The following SYNM variants were observed in gnomAD, a reference collection of about 807,000 sequenced individuals.
SYNM encodes the protein synemin, also known as desmuslin.
Under a neutral mutation model 104.0 loss-of-function variants are expected in SYNM, and 95 were observed. The observed-to-expected ratio is 0.91, with a 90% CI of 0.77 to 1.08. SYNM has a LOEUF of 1.08. Among genes scored for constraint, SYNM ranks in the 50% least tolerant of loss-of-function variants. The pLI is 0.00. For synonymous variants in SYNM, 918 were observed against 869.0 expected (o/e 1.06, Z -0.99); for missense variants, 2,150 against 2,052.2 (o/e 1.05, Z -0.92).
intron 2 of SYNM, among the ~76,000 whole-genome samples, chr15:99,122,929 T>C (rs12441651): frequency 0.72 from 109,931 of 152,132 alleles, 39,767 homozygotes; most frequent in Middle Eastern, 0.79. Flanking sequence ...TTCAGTTAAC[T>C]ATAAAATACA....
At chr15:99,126,905 A>C in intron 3 of SYNM, 113 bp downstream of exon 3, 1 of 874,102 alleles carries the variant, frequency 1.1e-6, no homozygotes, top group Non-Finnish European at 1.7e-6. Flanking sequence ...GTGTTTAGAT[A>C]ACAGGAGTTC....
chr15:99,133,051 G>A lies in SYNM; in HGVS notation c.4691G>A (p.Trp1564Ter). The change falls in exon 4 of 4, where the codon TGG (tryptophan) becomes TAG (stop). Residue 1564 changes from tryptophan (W) to a stop codon, truncating the protein, a stop_gained. Coordinates refer to ENST00000336292, the MANE Select transcript of SYNM (RefSeq NM_145728.3). LOFTEE classifies it high-confidence loss of function. The part of the protein sequence containing the change: ...DNEEEENDGH[W>*]F ...GAGGAGGAGGAGAATGATGGGCATT[G>A]GTTTTAATAAGCAGAAACATTTTGT... 1.9e-6 allele frequency: 3 copies of A among 1,613,234 alleles called. No individual in the cohort carries two copies. The highest frequency in any genetic ancestry group is 2.5e-6 in the Non-Finnish European group (3 of 1,179,868).
Position 99,112,142 on chromosome 15 carries a change from G to A in SYNM, c.811-1449G>A, listed in dbSNP as rs925770275. Reference sequence around the variant, plus strand: ...CAGACATATTTATTATGGACCCTCAGCATCTTGCCGGGTGCCTTTGGTGAA... The same window carrying A: ...CAGACATATTTATTATGGACCCTCAACATCTTGCCGGGTGCCTTTGGTGAA... On this transcript the variant is annotated intron_variant, in intron 1 of 3. Coordinates refer to ENST00000336292, the MANE Select transcript of SYNM (RefSeq NM_145728.3). Among the ~76,000 whole-genome samples the A allele has an allele frequency of 2.0e-5, 3 of 152,208 alleles. No homozygotes were observed. In the East Asian group the frequency reaches 5.8e-4, roughly 29 times the overall value.
chr15:99,125,316 T>C (rs1555484902), intron 2 of SYNM, among the ~76,000 whole-genome samples: 2 of 152,252 alleles, frequency 1.3e-5, no homozygotes, highest in African/African-American at 4.8e-5. Context: ...CCTCAGAACT[T>C]TCTCAGCAGT....
At chr15:99,126,674 T>C in intron 2 of SYNM, 48 bp from the exon 3 acceptor site, 1 of 1,522,322 alleles carries the variant, frequency 6.6e-7, no homozygotes. Flanking sequence ...GAGGCACTTC[T>C]TACTCTTTCG....
At chr15:99,116,564 CT>C (rs2067351539) in intron 2 of SYNM, among the ~76,000 whole-genome samples, 1 of 143,938 alleles carries the variant, frequency 6.9e-6, no homozygotes, top group African/African-American at 2.5e-5. Context: ...CTGGCATCTG[CT>C]CCTGGTGAAG....
chr15:99,105,891 C>G lies in SYNM; in HGVS notation c.692C>G (p.Ala231Gly), dbSNP rs531355545. Residue 231 changes from alanine (A) to glycine (G), a missense_variant, in exon 1 of 4, where the codon GCG becomes GGG. Transcript: ENST00000336292. ...LQAEEETRLCAQEAEALRREA... is the reference protein window; with the variant it reads ...LQAEEETRLCGQEAEALRREA... ...GCGGAGGAAGAGACGCGGCTGTGCG[C>G]GCAGGAGGCAGAGGCGCTGCGGCGC... The G allele has an allele frequency of 6.5e-7, 1 of 1,537,438 alleles. No homozygotes were observed.
In SYNM at chr15:99,129,854, GA is replaced by G; in HGVS notation, c.1498del (p.Thr500GlnfsTer3). On this transcript the variant is annotated frameshift_variant, in exon 4 of 4. Coordinates refer to ENST00000336292, the MANE Select transcript of SYNM (RefSeq NM_145728.3). LOFTEE classifies it low-confidence loss of function (END_TRUNC). ...ATGAGAGGACCGTCATTCTGGGAAAGAAAACAGAAGTGAAAGCCACGAGGGA... is the reference window on the plus strand; with the variant it reads ...ATGAGAGGACCGTCATTCTGGGAAAGAAACAGAAGTGAAAGCCACGAGGGA... ...SNERTVILGK[K>X]TEVKATREQE... The G allele has an allele frequency of 6.2e-7, 1 of 1,613,634 alleles. No individual in the cohort carries two copies. The highest frequency in any genetic ancestry group is 8.5e-7 in the Non-Finnish European group (1 of 1,179,768).
intron 2 of SYNM, among the ~76,000 whole-genome samples, chr15:99,114,990 C>A (rs1555483767): frequency 6.6e-6 from 1 of 152,182 alleles, no homozygotes; most frequent in African/African-American, 2.4e-5. Context: ...GTGCTGAGTT[C>A]TTTGCCACTA....
In SYNM at chr15:99,105,701, G is replaced by C; in HGVS notation, c.502G>C (p.Ala168Pro). The change falls in exon 1 of 4, where the codon GCC becomes CCC. Residue 168 changes from alanine (A) to proline (P), a missense_variant. By Grantham distance (27) the Ala-to-Pro change is conservative. Transcript: ENST00000336292. ...RAASLTMHFR[A>P]RATGPAAPPP... ...CGCCAGCCTTACCATGCATTTCCGCGCCCGCGCCACCGGCCCCGCCGCGCC... is the reference window on the plus strand; with the variant it reads ...CGCCAGCCTTACCATGCATTTCCGCCCCCGCGCCACCGGCCCCGCCGCGCC... The C allele has an allele frequency of 6.7e-7, 1 of 1,487,552 alleles. No individual in the cohort carries two copies. Among genetic ancestry groups the C allele is most frequent in the Admixed American group, 2.3e-5 (1 of 43,968 alleles). The allele number at this position is 1,487,552 out of a possible 1,614,324, so 92.1% of individuals were successfully genotyped here. A position where few individuals can be genotyped will look rare whatever the true frequency, so the allele number is the denominator to read the frequency against.
At position 99,131,136 on chromosome 15, in the gene SYNM, GAAATT is replaced by G; in HGVS notation, c.2780_2784del (p.Ile927AsnfsTer74). 1 of 1,599,952 alleles carries G rather than the reference GAAATT, an allele frequency of 6.3e-7. No homozygotes were observed. Among genetic ancestry groups the G allele is most frequent in the Non-Finnish European group, 8.5e-7 (1 of 1,173,100 alleles). On this transcript the variant is annotated frameshift_variant, in exon 4 of 4. Transcript: ENST00000336292. LOFTEE classifies it high-confidence loss of function. The surrounding 1 kb of genome is among the most constrained non-coding windows in gnomAD (Gnocchi z 4.3). ...TGCCGAACCCACAGTCATTGAAAAA[GAAATT>G]AAAATACCCCACGAATTCCACACCT...
At position 99,133,154 on chromosome 15, in the gene SYNM, A is replaced by C; in HGVS notation, c.*96A>C. On this transcript the variant is annotated 3_prime_UTR_variant, in exon 4 of 4. Coordinates refer to ENST00000336292, the MANE Select transcript of SYNM (RefSeq NM_145728.3). Reference sequence around the variant, plus strand: ...TTAAGAGGCCGAGGGAGTCTATGAAAATCTCCCCTTTTTTACTTTTTTAAA... The same window carrying C: ...TTAAGAGGCCGAGGGAGTCTATGAACATCTCCCCTTTTTTACTTTTTTAAA... The C allele has an allele frequency of 6.5e-6, 10 of 1,528,622 alleles. No homozygotes were observed. Among genetic ancestry groups the C allele is most frequent in the Non-Finnish European group, 8.7e-6 (10 of 1,147,138 alleles). 94.7% of individuals were successfully genotyped at this position (1,528,622 alleles called of 1,614,324 possible).
chr15:99,129,839 C>A lies in SYNM; in HGVS notation c.1479C>A (p.Thr493=), dbSNP rs369978337. 5.0e-6 allele frequency: 8 copies of A among 1,613,396 alleles called. No homozygotes were observed. The highest frequency in any genetic ancestry group is 6.8e-6 in the Non-Finnish European group (8 of 1,179,810). ...AAAGCACACGGTCAAATGAGAGGACCGTCATTCTGGGAAAGAAAACAGAAG... is the reference window on the plus strand; with the variant it reads ...AAAGCACACGGTCAAATGAGAGGACAGTCATTCTGGGAAAGAAAACAGAAG... ...ASESTRSNER[T]VILGKKTEVK... Residue 493 remains threonine (T), a synonymous_variant, in exon 4 of 4, where the codon ACC becomes ACA. Transcript: ENST00000336292.
intron 2 of SYNM, among the ~76,000 whole-genome samples, chr15:99,117,683 C>G (rs1018298169): frequency 1.3e-5 from 2 of 152,012 alleles, no homozygotes; most frequent in East Asian, 3.9e-4. Flanking sequence ...TGTTCTCCAT[C>G]CTGAAAAGCC....
intron 2 of SYNM, among the ~76,000 whole-genome samples, chr15:99,115,469 A>AT (rs60387897): frequency 0.42 from 54,045 of 129,814 alleles, 12,011 homozygotes; most frequent in Middle Eastern, 0.54. Flanking sequence ...ATTTTATTCT[A>AT]TTTTTTTTTT....
At chr15:99,126,923 A>T (rs1298171785) in intron 3 of SYNM, 131 bp downstream of exon 3, 1 of 719,148 alleles carries the variant, frequency 1.4e-6, no homozygotes, top group Non-Finnish European at 2.2e-6. Flanking sequence ...TTCATCTCTC[A>T]TTTAAGTACC....
Position 99,105,136 on chromosome 15 carries a change from G to C in SYNM, c.-64G>C. The C allele has an allele frequency of 6.6e-7, 1 of 1,520,020 alleles. No homozygotes were observed. Among genetic ancestry groups the C allele is most frequent in the South Asian group, 1.2e-5 (1 of 82,778 alleles). The allele number at this position is 1,520,020 out of a possible 1,614,324, so 94.2% of individuals were successfully genotyped here. On this transcript the variant is annotated 5_prime_UTR_variant, in exon 1 of 4. Transcript: ENST00000336292. ...CGGAGCGTCGCGGCGGAGAGGACGA[G>C]ACCGGGACAAGACCAGGGCAGGAGG...
At chr15:99,109,173 A>T (rs2067277348) in intron 1 of SYNM, among the ~76,000 whole-genome samples, 1 of 148,072 alleles carries the variant, frequency 6.8e-6, no homozygotes, top group African/African-American at 2.4e-5. Context: ...ATGCGCCTTC[A>T]CTGTATGAGG....
the SYNM span, among the ~76,000 whole-genome samples, chr15:99,141,442 G>A: frequency 1.3e-5 from 2 of 152,144 alleles, no homozygotes; most frequent in Admixed American, 6.5e-5. Flanking sequence ...TGGGGATGGG[G>A]TAGGTATAGA....
Sources: gnomAD v4.1 joint callset for allele counts (sites outside exome capture counted in the v4.1 genomes callset) on GRCh38, gnomAD v4.1.1 for gene constraint, Gnocchi (gnomAD v3.1) non-coding constraint, MANE v1.5 for transcripts, NCBI Gene and HGNC (gene_info 2026-07-23, HGNC 2026-07-21) for gene names.